Variants in SSH3 observed in about 807,000 individuals in gnomAD.
The protein encoded by SSH3 is slingshot protein phosphatase 3, also known as protein phosphatase Slingshot homolog 3.
SSH3 carries 67 observed loss-of-function variants against 75.0 expected under a neutral mutation model. The ratio of observed to expected loss-of-function variants is 0.89; its 90% confidence interval spans 0.73 to 1.10. The LOEUF is 1.10. Among genes scored for constraint, SSH3 ranks in the 50% least tolerant of loss-of-function variants. The probability of loss-of-function intolerance (pLI) is 0.00; values close to 1 mark genes in which losing one functional copy is unlikely to be tolerated. For synonymous variants in SSH3, 318 were observed against 349.2 expected (o/e 0.91, Z 1.00); for missense variants, 824 against 872.7 (o/e 0.94, Z 0.70).
intron 13 of SSH3, 107 bp downstream of exon 13, chr11:67,310,446 C>T (rs1052160672): frequency 1.4e-6 from 2 of 1,408,336 alleles, no homozygotes; most frequent in Non-Finnish European, 1.9e-6. Context: ...GCAGGGCGTA[C>T]CCGGGCTAAG....
intron 11 of SSH3, 91 bp from the exon 12 acceptor site, chr11:67,309,676 AG>A: frequency 1.3e-6 from 2 of 1,584,188 alleles, no homozygotes; most frequent in Non-Finnish European, 8.6e-7. Context: ...CTCTACTCTC[AG>A]TTGGTTGTGA....
Position 67,310,307 on chromosome 11 carries a change from G to A in SSH3, c.1651G>A (p.Glu551Lys). ...TCTTCTGGAGCCCTCCTTGGAGCTG[G>A]AGAGCACCTCAGAGACCAGTGACAT... The part of the protein sequence containing the change: ...ISLLEPSLEL[E>K]STSETSDMPE... The change falls in exon 13 of 14, where the codon GAG becomes AAG. Residue 551 changes from glutamate to lysine, a missense_variant. Physicochemically the swap from Glu to Lys is moderately conservative, Grantham distance 56. Coordinates refer to ENST00000308127, the MANE Select transcript of SSH3 (RefSeq NM_017857.4). 2 of 1,613,634 alleles carry A rather than the reference G, an allele frequency of 1.2e-6. No individual in the cohort carries two copies. Among genetic ancestry groups the A allele is most frequent in the East Asian group, 4.5e-5 (2 of 44,874 alleles).
Position 67,307,530 on chromosome 11 carries a change from G to A in SSH3, c.603-19G>A. The A allele has an allele frequency of 1.9e-6, 3 of 1,610,198 alleles. No homozygotes were observed. The highest frequency in any genetic ancestry group is 2.5e-6 in the Non-Finnish European group (3 of 1,177,738). On this transcript the variant is annotated intron_variant, in intron 6 of 13. Transcript: ENST00000308127. The surrounding 1 kb of genome is among the most constrained non-coding windows in gnomAD (Gnocchi z 4.2). Reference sequence around the variant, plus strand: ...GGCAGCAAGGGAACAGTGTGACCCAGCCTCTCCTCCTGTCTCAGGGCCACA... The same window carrying A: ...GGCAGCAAGGGAACAGTGTGACCCAACCTCTCCTCCTGTCTCAGGGCCACA...
In SSH3 at chr11:67,312,242, C is replaced by A; in HGVS notation, c.*355C>A. ...GGCACGGAATGAAAACAGAGCTTCC[C>A]GTGCAAAAAGGGTCACGCCTCCCAC... is the stretch of plus-strand genomic sequence containing the variant. On this transcript the variant is annotated 3_prime_UTR_variant, in exon 14 of 14. Transcript: ENST00000308127. The A allele has an allele frequency of 3.7e-6, 1 of 273,630 alleles. No homozygotes were observed. Among genetic ancestry groups the A allele is most frequent in the Non-Finnish European group, 6.9e-6 (1 of 144,724 alleles). 17.0% of individuals were successfully genotyped at this position (273,630 alleles called of 1,614,324 possible). A position where few individuals can be genotyped will look rare whatever the true frequency, so the allele number is the denominator to read the frequency against.
chr11:67,310,399 G>A, intron 13 of SSH3, 60 bp downstream of exon 13: 1 of 1,545,238 alleles, frequency 6.5e-7, no homozygotes, highest in Middle Eastern at 2.0e-4. Context: ...GAGGGAGATG[G>A]GGAAAGACCA....
intron 13 of SSH3, among the ~76,000 whole-genome samples, chr11:67,311,256 C>T (rs919628931): frequency 3.3e-5 from 5 of 152,290 alleles, no homozygotes; most frequent in Admixed American, 3.3e-4. Context: ...CACCTGCCGG[C>T]TGCCTACGCA....
chr11:67,307,908 T>G lies in SSH3; in HGVS notation c.854T>G (p.Val285Gly), dbSNP rs772017686. The stretch of plus-strand genomic sequence containing the variant: ...GCTGAGCTGTGGAAAGTGTTGGATG[T>G]CAGTGACCTGGAGAGTGTCACTTCC... ...IRAELWKVLD[V>G]SDLESVTSKE... is the part of the protein sequence containing the mutation. Residue 285 changes from valine to glycine, a missense_variant, in exon 8 of 14, where the codon GTC becomes GGC. Physicochemically the swap from Val to Gly is moderately radical, Grantham distance 109 (BLOSUM62 -3). Coordinates refer to ENST00000308127, the MANE Select transcript of SSH3 (RefSeq NM_017857.4). The surrounding 1 kb of genome is among the most constrained non-coding windows in gnomAD (Gnocchi z 4.2). 1 of 1,614,208 alleles carries G rather than the reference T, an allele frequency of 6.2e-7. No individual in the cohort carries two copies. Among genetic ancestry groups the G allele is most frequent in the Non-Finnish European group, 8.5e-7 (1 of 1,180,024 alleles).
chr11:67,306,639 C>T (rs1861252787), intron 3 of SSH3, among the ~76,000 whole-genome samples, 199 bp from the exon 4 acceptor site: 1 of 152,150 alleles, frequency 6.6e-6, no homozygotes, highest in African/African-American at 2.4e-5. Flanking sequence ...TCAGCAGAAA[C>T]AAAAAATGTG....
intron 13 of SSH3, 85 bp from the exon 14 acceptor site, chr11:67,311,506 T>C (rs1861414776): frequency 9.1e-6 from 14 of 1,545,384 alleles, no homozygotes; most frequent in Middle Eastern, 2.1e-4. Context: ...TTGGCACCCC[T>C]GCCCCAGATC....
At chr11:67,303,986 G>C in intron 1 of SSH3, 132 bp from the exon 2 acceptor site, 2 of 1,226,836 alleles carry the variant, frequency 1.6e-6, no homozygotes, top group Non-Finnish European at 2.2e-6. Flanking sequence ...TCCCGGTGGG[G>C]CGTGGACTGG....
At chr11:67,305,983 A>T (rs200565196) in intron 3 of SSH3, among the ~76,000 whole-genome samples, 85 of 149,154 alleles carry the variant, frequency 5.7e-4, no homozygotes, top group African/African-American at 2.1e-3. Flanking sequence ...GTGACAGGGT[A>T]AAAAAAAAAC....
rs1159311649 is a variant in SSH3, at chr11:67,307,469, C to G, written c.602+33C>G. On this transcript the variant is annotated intron_variant, in intron 6 of 13. Coordinates refer to ENST00000308127, the MANE Select transcript of SSH3 (RefSeq NM_017857.4). This position sits in a 1 kb window ranked among gnomAD's most constrained non-coding sequence, Gnocchi z 4.2. ...CAGAGACTGCCTGGACTCAGGCCAG[C>G]CTCTCCTTCGAAGGAGGCTGCAGGG... 6 of 1,613,772 alleles carry G rather than the reference C, an allele frequency of 3.7e-6. No homozygotes were observed. The highest frequency in any genetic ancestry group is 5.1e-6 in the Non-Finnish European group (6 of 1,179,948).
chr11:67,309,280 G>A, intron 10 of SSH3, 117 bp from the exon 11 acceptor site: 1 of 1,305,736 alleles, frequency 7.7e-7, no homozygotes, highest in Non-Finnish European at 1.1e-6. Flanking sequence ...TGTCACTGCT[G>A]CCTCCATCTG....
Position 67,311,964 on chromosome 11 carries a change from G to C in SSH3, c.*77G>C, listed in dbSNP as rs1398983777. ...TTGGAGAAACACCCTCACGTCTGTTGCCGCACACATTCCTCTCAGCTCCGC... is the reference window on the plus strand; with the variant it reads ...TTGGAGAAACACCCTCACGTCTGTTCCCGCACACATTCCTCTCAGCTCCGC... On this transcript the variant is annotated 3_prime_UTR_variant, in exon 14 of 14. Coordinates refer to ENST00000308127, the MANE Select transcript of SSH3 (RefSeq NM_017857.4). 1.3e-6 allele frequency: 2 copies of C among 1,571,368 alleles called. No individual in the cohort carries two copies. Among genetic ancestry groups the C allele is most frequent in the Non-Finnish European group, 1.7e-6 (2 of 1,162,978 alleles).
Position 67,303,822 on chromosome 11 carries a change from C to A in SSH3, c.66+131C>A, listed in dbSNP as rs897262836. On this transcript the variant is annotated intron_variant, in intron 1 of 13. Transcript: ENST00000308127. ...GCCCCGGGGCTCGGGCTGGAGGGCG[C>A]TGGGGGCCTCGAGGGTCTCTGGTAC... is the stretch of plus-strand genomic sequence containing the variant. 3.1e-6 allele frequency: 3 copies of A among 979,314 alleles called. No homozygotes were observed. In the African/African-American group the frequency reaches 5.2e-5, roughly 17 times the overall value. The allele number at this position is 979,314 out of a possible 1,614,324, so 60.7% of individuals were successfully genotyped here. A position where few individuals can be genotyped will look rare whatever the true frequency, so the allele number is the denominator to read the frequency against.
Position 67,307,874 on chromosome 11 carries a change from G to A in SSH3, c.820G>A (p.Ala274Thr), listed in dbSNP as rs1413328763. The A allele has an allele frequency of 3.1e-6, 5 of 1,614,242 alleles. No homozygotes were observed. The highest frequency in any genetic ancestry group is 1.7e-5 in the Admixed American group (1 of 60,030). Residue 274 changes from alanine to threonine, a missense_variant, in exon 8 of 14, where the codon GCG becomes ACG. Ala to Thr is a moderately conservative substitution (Grantham distance 58, BLOSUM62 0). Coordinates refer to ENST00000308127, the MANE Select transcript of SSH3 (RefSeq NM_017857.4). The surrounding 1 kb of genome is among the most constrained non-coding windows in gnomAD (Gnocchi z 4.2). ...CTCAGAACAGGAGCAGATGGAGCAG[G>A]CGATCCGTGCTGAGCTGTGGAAAGT... ...GSSEQEQMEQ[A>T]IRAELWKVLD...
Position 67,307,610 on chromosome 11 carries a change from G to A in SSH3, c.664G>A (p.Gly222Ser). The A allele has an allele frequency of 1.2e-6, 2 of 1,613,808 alleles. No homozygotes were observed. Among genetic ancestry groups the A allele is most frequent in the East Asian group, 2.2e-5 (1 of 44,882 alleles). The change falls in exon 7 of 14, where the codon GGT becomes AGT. Residue 222 changes from glycine (G) to serine (S), a missense_variant. By Grantham distance (56) the Gly-to-Ser change is moderately conservative. Coordinates refer to ENST00000308127, the MANE Select transcript of SSH3 (RefSeq NM_017857.4). This position sits in a 1 kb window ranked among gnomAD's most constrained non-coding sequence, Gnocchi z 4.2. ...AGCTCTAGGCAGCGGCCTTGTACCG[G>A]GTGGCAGTGCCCTCACCTGGGCCAG... ...EAALGSGLVPGGSALTWASHY... is the reference protein window; with the variant it reads ...EAALGSGLVPSGSALTWASHY...
At position 67,307,609 on chromosome 11, in the gene SSH3, G is replaced by C. The variant is rs143144779; in HGVS notation, c.663G>C (p.Pro221=). The C allele has an allele frequency of 1.2e-6, 2 of 1,613,762 alleles. No homozygotes were observed. The highest frequency in any genetic ancestry group is 1.7e-6 in the Non-Finnish European group (2 of 1,180,022). Reference sequence around the variant, plus strand: ...CAGCTCTAGGCAGCGGCCTTGTACCGGGTGGCAGTGCCCTCACCTGGGCCA... The same window carrying C: ...CAGCTCTAGGCAGCGGCCTTGTACCCGGTGGCAGTGCCCTCACCTGGGCCA... ...CEAALGSGLV[P]GGSALTWASH... is the part of the protein sequence containing the mutation. Residue 221 remains proline, a synonymous_variant, in exon 7 of 14, where the codon CCG becomes CCC. Transcript: ENST00000308127. The surrounding 1 kb of genome is among the most constrained non-coding windows in gnomAD (Gnocchi z 4.2).
At chr11:67,309,316 G>T in intron 10 of SSH3, 81 bp from the exon 11 acceptor site, 9 of 1,574,256 alleles carry the variant, frequency 5.7e-6, no homozygotes, top group South Asian at 1.1e-5. Context: ...CTAAAGCGAG[G>T]CCCAGGGGCT....
Sources: allele counts gnomAD v4.1 joint callset (sites outside exome capture counted in the v4.1 genomes callset), GRCh38; gene constraint gnomAD v4.1.1; non-coding constraint Gnocchi (gnomAD v3.1); transcripts MANE v1.5; gene names NCBI Gene and HGNC (gene_info 2026-07-23, HGNC 2026-07-21).